The following PDS5B variants were observed in gnomAD, a reference collection of about 807,000 sequenced individuals.
The protein encoded by PDS5B is PDS5 cohesin associated factor B, also known as sister chromatid cohesion protein PDS5 homolog B.
PDS5B carries 51 observed loss-of-function variants against 184.1 expected under a neutral mutation model. That is an observed-to-expected ratio of 0.28 (90% CI 0.22 to 0.35). The LOEUF (loss-of-function observed/expected upper bound fraction) is 0.35. Ranked by LOEUF, PDS5B falls within the 10% of genes least tolerant of loss-of-function variation. The probability of loss-of-function intolerance (pLI) is 1.00; values close to 1 mark genes in which losing one functional copy is unlikely to be tolerated. For synonymous variants in PDS5B, 566 were observed against 569.2 expected, an observed-to-expected ratio of 0.99 and a Z score of 0.08; for missense variants, 1,180 against 1,723.3, an observed-to-expected ratio of 0.68 and a Z score of 5.58.
In PDS5B at chr13:32,777,803, C is replaced by G. The variant is rs1232013675; in HGVS notation, c.*2751C>G. The G allele has an allele frequency of 6.6e-6, 1 of 152,284 alleles. No individual in the cohort carries two copies. The highest frequency in any genetic ancestry group is 1.5e-5 in the Non-Finnish European group (1 of 67,848). 9.4% of individuals were successfully genotyped at this position (152,284 alleles called of 1,614,324 possible). On this transcript the variant is annotated 3_prime_UTR_variant, in exon 35 of 35. Coordinates refer to ENST00000315596, the MANE Select transcript of PDS5B (RefSeq NM_015032.4). ...ATTCCAGGTATTAAAGGTTAAATTG[C>G]TTTCTATATCTTCTTATAACTTGTA...
At chr13:32,724,247 T>C (rs1371999838) in intron 19 of PDS5B, among the ~76,000 whole-genome samples, 1 of 152,052 alleles carries the variant, frequency 6.6e-6, no homozygotes, top group East Asian at 1.9e-4. Context: ...CTCTCAGTAG[T>C]TGGAACCACA....
chr13:32,640,949 C>T (rs929415634), intron 1 of PDS5B, among the ~76,000 whole-genome samples: 5 of 150,506 alleles, frequency 3.3e-5, no homozygotes, highest in African/African-American at 4.9e-5. Flanking sequence ...CCCAGCTACT[C>T]GGGAGGCTGA....
intron 3 of PDS5B, among the ~76,000 whole-genome samples, 169 bp from the exon 4 acceptor site, chr13:32,658,070 C>T (rs1394984420): frequency 6.6e-6 from 1 of 152,008 alleles, no homozygotes; most frequent in Non-Finnish European, 1.5e-5. Flanking sequence ...TAATGTTGTT[C>T]ATATAAAGGT....
At chr13:32,737,462 A>G (rs1953378982) in intron 21 of PDS5B, among the ~76,000 whole-genome samples, 1 of 151,958 alleles carries the variant, frequency 6.6e-6, no homozygotes, top group Non-Finnish European at 1.5e-5. Context: ...TCCCCCTTTC[A>G]CTTTCAGAAT....
Position 32,706,967 on chromosome 13 carries a change from T to C in PDS5B, c.1890T>C (p.Asp630=), listed in dbSNP as rs373985167. The C allele has an allele frequency of 1.9e-6, 3 of 1,612,208 alleles. No individual in the cohort carries two copies. Among genetic ancestry groups the C allele is most frequent in the Non-Finnish European group, 2.5e-6 (3 of 1,179,164 alleles). ...TTAAACAAGTGAACAAATCAATAGATGGAACAGCAGATGATGAAGATGAGG... is the reference window on the plus strand; with the variant it reads ...TTAAACAAGTGAACAAATCAATAGACGGAACAGCAGATGATGAAGATGAGG... ...ALIKQVNKSI[D]GTADDEDEGV... The change falls in exon 18 of 35, where the codon GAT becomes GAC. Residue 630 remains aspartate (D), a synonymous_variant. Coordinates refer to ENST00000315596, the MANE Select transcript of PDS5B (RefSeq NM_015032.4).
chr13:32,644,521 A>G (rs1184295196), intron 1 of PDS5B, among the ~76,000 whole-genome samples: 1 of 151,952 alleles, frequency 6.6e-6, no homozygotes, highest in Non-Finnish European at 1.5e-5. Context: ...AAATCCTTAT[A>G]CCCTTTATTT....
chr13:32,678,778 A>T, intron 9 of PDS5B, 57 bp from the exon 10 acceptor site: 1 of 978,202 alleles, frequency 1.0e-6, no homozygotes, highest in Non-Finnish European at 1.6e-6. Context: ...GTACAGATTT[A>T]ACACATGTCT....
chr13:32,674,117 G>A (rs1001631538), intron 8 of PDS5B, among the ~76,000 whole-genome samples: 4 of 152,066 alleles, frequency 2.6e-5, no homozygotes, highest in Non-Finnish European at 5.9e-5. Flanking sequence ...CTGACCGAGT[G>A]AAATTTTTTG....
intron 19 of PDS5B, among the ~76,000 whole-genome samples, chr13:32,720,911 T>G (rs941597345): frequency 9.2e-5 from 14 of 152,152 alleles, no homozygotes; most frequent in African/African-American, 2.7e-4. Context: ...CTTAATCCAT[T>G]TAACCCTGAG....
At chr13:32,655,541 G>A (rs908865056) in intron 3 of PDS5B, among the ~76,000 whole-genome samples, 17 of 150,974 alleles carry the variant, frequency 1.1e-4, no homozygotes, top group Non-Finnish European at 2.4e-4. Context: ...ACCACGCCCA[G>A]CTAATTTTTG....
At position 32,777,051 on chromosome 13, in the gene PDS5B, A is replaced by G. The variant is rs1040032345; in HGVS notation, c.*1999A>G. 9 of 152,218 alleles carry G rather than the reference A, an allele frequency of 5.9e-5. No individual in the cohort carries two copies. Among genetic ancestry groups the G allele is most frequent in the Middle Eastern group, 3.2e-3 (1 of 316 alleles). 9.4% of individuals were successfully genotyped at this position (152,218 alleles called of 1,614,324 possible). Reference sequence around the variant, plus strand: ...TACAAAGGCATGTTTTAAAATCTATAACATAAAGAATAAGGAATAGCTTTG... The same window carrying G: ...TACAAAGGCATGTTTTAAAATCTATGACATAAAGAATAAGGAATAGCTTTG... On this transcript the variant is annotated 3_prime_UTR_variant, in exon 35 of 35. Transcript: ENST00000315596.
At chr13:32,705,086 C>T (rs1951969418) in intron 17 of PDS5B, among the ~76,000 whole-genome samples, 1 of 152,172 alleles carries the variant, frequency 6.6e-6, no homozygotes, top group Admixed American at 6.5e-5. Flanking sequence ...AAATCCCTTT[C>T]CTAATTACCC....
At chr13:32,615,285 C>T (rs974158589) in intron 1 of PDS5B, among the ~76,000 whole-genome samples, 3 of 152,122 alleles carry the variant, frequency 2.0e-5, no homozygotes, top group Non-Finnish European at 2.9e-5. Flanking sequence ...AGGGATACTC[C>T]TGGTACTTTT....
chr13:32,705,606 T>G (rs977046010), intron 17 of PDS5B, among the ~76,000 whole-genome samples: 5 of 152,208 alleles, frequency 3.3e-5, no homozygotes, highest in South Asian at 4.1e-4. Flanking sequence ...TCTGGTGGTG[T>G]TTTTTATAAA....
At chr13:32,734,012 A>ACACACACACACG (rs1953224302) in intron 20 of PDS5B, among the ~76,000 whole-genome samples, 1 of 150,982 alleles carries the variant, frequency 6.6e-6, no homozygotes, top group Non-Finnish European at 1.5e-5. Context: ...ACACACACAC[A>ACACACACACACG]CAAACATATA....
chr13:32,656,101 GT>G (rs1308792023), intron 3 of PDS5B, among the ~76,000 whole-genome samples: 2 of 152,024 alleles, frequency 1.3e-5, no homozygotes, highest in African/African-American at 2.4e-5. Flanking sequence ...CTCATTGCTT[GT>G]TTTTGTGCTT....
At chr13:32,603,824 G>A (rs1331791999) in intron 1 of PDS5B, among the ~76,000 whole-genome samples, 1 of 152,106 alleles carries the variant, frequency 6.6e-6, no homozygotes, top group East Asian at 1.9e-4. Context: ...GGATACTTAG[G>A]TATTTTATTC....
chr13:32,720,889 T>G (rs1039321122), intron 19 of PDS5B, among the ~76,000 whole-genome samples: 9 of 152,228 alleles, frequency 5.9e-5, no homozygotes, highest in African/African-American at 2.2e-4. Context: ...ACAAAGCACA[T>G]CTTGCACCGC....
At chr13:32,640,732 A>G (rs532904824) in intron 1 of PDS5B, among the ~76,000 whole-genome samples, 1 of 151,486 alleles carries the variant, frequency 6.6e-6, no homozygotes, top group East Asian at 2.0e-4. Flanking sequence ...TTTAAAGTTT[A>G]TATTTTTTAA....
Sources: allele counts gnomAD v4.1 joint callset (sites outside exome capture counted in the v4.1 genomes callset), GRCh38; gene constraint gnomAD v4.1.1; transcripts MANE v1.5; gene names NCBI Gene and HGNC (gene_info 2026-07-23, HGNC 2026-07-21).